The following CDNF variants were observed in gnomAD, a reference collection of about 807,000 sequenced individuals.
CDNF encodes the protein cerebral dopamine neurotrophic factor.
CDNF carries 9 observed loss-of-function variants against 14.8 expected under a neutral mutation model. That is an observed-to-expected ratio of 0.61 (90% CI 0.37 to 1.06). CDNF has a LOEUF of 1.06. Among genes scored for constraint, CDNF ranks in the 50% least tolerant of loss-of-function variants. CDNF has a pLI of 0.01. For missense variants in CDNF, 228 were observed against 228.4 expected, an observed-to-expected ratio of 1.00 and a Z score of 0.01; for synonymous variants, 86 against 87.2, an observed-to-expected ratio of 0.99 and a Z score of 0.07.
At chr10:14,820,419 C>T (rs1833728171) in intron 3 of CDNF, among the ~76,000 whole-genome samples, 3 of 152,038 alleles carry the variant, frequency 2.0e-5, no homozygotes. Flanking sequence ...AAAGATAACA[C>T]TACAACAATT....
At chr10:14,832,672 G>C (rs1833853385) in intron 1 of CDNF, among the ~76,000 whole-genome samples, 1 of 152,070 alleles carries the variant, frequency 6.6e-6, no homozygotes, top group African/African-American at 2.4e-5. Context: ...AGAGCCAAAA[G>C]AATTTACTAA....
At chr10:14,823,327 A>C (rs1373062010) in intron 3 of CDNF, among the ~76,000 whole-genome samples, 2 of 152,184 alleles carry the variant, frequency 1.3e-5, no homozygotes, top group African/African-American at 4.8e-5. Flanking sequence ...GATTAAAACT[A>C]GTTCATAGCT....
chr10:14,828,334 T>G, intron 1 of CDNF, 62 bp from the exon 2 acceptor site: 4 of 1,512,728 alleles, frequency 2.6e-6, no homozygotes, highest in Non-Finnish European at 3.6e-6. Flanking sequence ...CCTATGCATA[T>G]GACCCACTAA....
intron 3 of CDNF, among the ~76,000 whole-genome samples, chr10:14,823,688 T>A (rs920373653): frequency 1.3e-5 from 2 of 152,156 alleles, no homozygotes; most frequent in Admixed American, 6.5e-5. Flanking sequence ...ACACCACACC[T>A]GGCTAATTTT....
intron 1 of CDNF, among the ~76,000 whole-genome samples, chr10:14,830,559 T>A (rs1439687169): frequency 3.9e-5 from 6 of 152,118 alleles, no homozygotes; most frequent in Non-Finnish European, 8.8e-5. Flanking sequence ...AGACTCACAT[T>A]TGCTGGCTGG....
chr10:14,828,247 G>A lies in CDNF; in HGVS notation c.141C>T (p.Phe47=). The A allele has an allele frequency of 6.2e-7, 1 of 1,613,528 alleles. No individual in the cohort carries two copies. Among genetic ancestry groups the A allele is most frequent in the South Asian group, 1.1e-5 (1 of 91,064 alleles). The change falls in exon 2 of 4, where the codon TTC becomes TTT. Residue 47 remains phenylalanine (F), a synonymous_variant. Coordinates refer to ENST00000465530, the MANE Select transcript of CDNF (RefSeq NM_001029954.3). ...CEVCKEFLNR[F]YKSLIDRGVN... ...CTCCTCTGTCTATCAGTGACTTGTA[G>A]AATCGGTTCAAGAATTCTTTACATA...
chr10:14,827,674 C>T (rs1334127871), intron 2 of CDNF, among the ~76,000 whole-genome samples: 1 of 152,010 alleles, frequency 6.6e-6, no homozygotes, highest in Non-Finnish European at 1.5e-5. Context: ...GGGTGGATCA[C>T]CTGAGGTCAG....
chr10:14,831,482 C>T lies in CDNF; in HGVS notation c.116-3210G>A, dbSNP rs887333289. The stretch of plus-strand genomic sequence containing the variant: ...AAAGTCATATATATATATATATATA[C>T]ACACACATATATATACTGTATATAC... On this transcript the variant is annotated intron_variant, in intron 1 of 3. Transcript: ENST00000465530. Among the ~76,000 whole-genome samples, 8 of 139,324 alleles carry T rather than the reference C, an allele frequency of 5.7e-5. 1 individual carries two copies. The highest frequency in any genetic ancestry group is 1.1e-4 in the Non-Finnish European group (7 of 61,948). The allele number at this position is 139,324 out of a possible 152,430, so 91.4% of individuals were successfully genotyped here.
intron 2 of CDNF, 121 bp downstream of exon 2, chr10:14,828,024 G>T: frequency 2.3e-6 from 2 of 867,510 alleles, no homozygotes; most frequent in Non-Finnish European, 3.7e-6. Flanking sequence ...CTTGCTGCGT[G>T]CTCTAAAATG....
chr10:14,838,008 G>T lies in CDNF; in HGVS notation c.-62C>A. 1 of 1,256,208 alleles carries T rather than the reference G, an allele frequency of 8.0e-7. No homozygotes were observed. Among genetic ancestry groups the T allele is most frequent in the Non-Finnish European group, 1.1e-6 (1 of 887,486 alleles). The allele number at this position is 1,256,208 out of a possible 1,614,324, so 77.8% of individuals were successfully genotyped here. On this transcript the variant is annotated 5_prime_UTR_variant, in exon 1 of 4. Transcript: ENST00000465530. ...GCCCACCGCCCACCAAGCTGCCAAA[G>T]CGAGCTGAGCAGAATTCGAGGTTGG... is the stretch of plus-strand genomic sequence containing the variant.
At chr10:14,825,428 G>A (rs1284197900) in intron 3 of CDNF, 51 bp downstream of exon 3, 1 of 1,558,080 alleles carries the variant, frequency 6.4e-7, no homozygotes, top group East Asian at 2.3e-5. Flanking sequence ...CAACTTTAGA[G>A]GTTTGGGAAT....
At chr10:14,821,809 A>G (rs1384477711) in intron 3 of CDNF, among the ~76,000 whole-genome samples, 2 of 152,182 alleles carry the variant, frequency 1.3e-5, no homozygotes, top group African/African-American at 4.8e-5. Flanking sequence ...TAAGGTAACA[A>G]GAAGGAAACT....
intron 3 of CDNF, among the ~76,000 whole-genome samples, chr10:14,823,947 G>A (rs921208308): frequency 3.3e-5 from 5 of 152,200 alleles, no homozygotes; most frequent in African/African-American, 1.2e-4. Flanking sequence ...CTTGTGCTTT[G>A]CAAGTTAAGA....
intron 1 of CDNF, among the ~76,000 whole-genome samples, chr10:14,832,170 T>TA (rs1429200605): frequency 6.6e-6 from 1 of 152,210 alleles, no homozygotes; most frequent in Non-Finnish European, 1.5e-5. Context: ...GATAAAGTGA[T>TA]ATTCAAGCAG....
chr10:14,830,573 C>T (rs928730779), intron 1 of CDNF, among the ~76,000 whole-genome samples: 7 of 152,098 alleles, frequency 4.6e-5, no homozygotes, highest in African/African-American at 7.2e-5. Flanking sequence ...TGGCTGGGCA[C>T]GGTGGCTTAT....
At position 14,831,538 on chromosome 10, in the gene CDNF, TAA is replaced by T. The variant is rs529241524; in HGVS notation, c.116-3268_116-3267del. ...TATAAAATACATATATACACATATA[TAA>T]TACATATATACACACACACACACAC... On this transcript the variant is annotated intron_variant, in intron 1 of 3. Transcript: ENST00000465530. Among the ~76,000 whole-genome samples, 4 of 149,086 alleles carry T rather than the reference TAA, an allele frequency of 2.7e-5. No individual in the cohort carries two copies. In the East Asian group the frequency reaches 7.9e-4, roughly 29 times the overall value.
Position 14,837,816 on chromosome 10 carries a change from T to C in CDNF, c.115+16A>G. 1 of 1,515,828 alleles carries C rather than the reference T, an allele frequency of 6.6e-7. No individual in the cohort carries two copies. The highest frequency in any genetic ancestry group is 1.2e-5 in the South Asian group (1 of 85,276). 93.9% of individuals were successfully genotyped at this position (1,515,828 alleles called of 1,614,324 possible). A position where few individuals can be genotyped will look rare whatever the true frequency, so the allele number is the denominator to read the frequency against. ...CGCGGGGCCGCCGCCATGCAAGCAG[T>C]TGTCACACCGCTCACCTTCACAGTC... On this transcript the variant is annotated intron_variant, in intron 1 of 3. Transcript: ENST00000465530.
At chr10:14,826,266 A>C (rs1328176356) in intron 2 of CDNF, among the ~76,000 whole-genome samples, 3 of 151,972 alleles carry the variant, frequency 2.0e-5, no homozygotes, top group Admixed American at 6.6e-5. Context: ...GCAGTAGAAG[A>C]AGCAGCAGAA....
intron 1 of CDNF, among the ~76,000 whole-genome samples, chr10:14,830,509 A>G (rs1833836105): frequency 2.0e-5 from 3 of 152,114 alleles, no homozygotes; most frequent in African/African-American, 7.2e-5. Context: ...AACTGTATGA[A>G]TTCTTTGAGG....
Sources: allele counts gnomAD v4.1 joint callset (sites outside exome capture counted in the v4.1 genomes callset), GRCh38; gene constraint gnomAD v4.1.1; transcripts MANE v1.5; gene names NCBI Gene and HGNC (gene_info 2026-07-23, HGNC 2026-07-21).